CNTNAP2: variants seen among roughly 807,000 people sequenced by gnomAD.
CNTNAP2 encodes contactin-associated protein-like 2.
In CNTNAP2, 98 loss-of-function variants were observed where a neutral mutation model predicts 155.2. The ratio of observed to expected loss-of-function variants is 0.63; its 90% CI spans 0.54 to 0.75. The LOEUF (loss-of-function observed/expected upper bound fraction) is 0.75. CNTNAP2 is among the 30% of genes least tolerant of loss of function. The pLI is 0.00. For missense variants in CNTNAP2, 1,727 were observed against 1,688.1 expected, an observed-to-expected ratio of 1.02 and a Z score of -0.40; for synonymous variants, 651 against 631.2, an observed-to-expected ratio of 1.03 and a Z score of -0.47.
intron 19 of CNTNAP2, among the ~76,000 whole-genome samples, chr7:148,222,963 A>C (rs1247506302): frequency 6.6e-6 from 1 of 152,168 alleles, no homozygotes; most frequent in Non-Finnish European, 1.5e-5. Flanking sequence ...TGTCTCCCTC[A>C]CAGGAGTGTT....
intron 8 of CNTNAP2, among the ~76,000 whole-genome samples, chr7:147,198,568 G>A (rs986134896): frequency 7.9e-5 from 12 of 152,100 alleles, no homozygotes; most frequent in Non-Finnish European, 1.6e-4. Context: ...GTCTGTTGTT[G>A]TTATTTGGAA....
chr7:147,636,644 T>A (rs1420039516), intron 12 of CNTNAP2, among the ~76,000 whole-genome samples: 2 of 152,128 alleles, frequency 1.3e-5, no homozygotes, highest in Non-Finnish European at 2.9e-5. Flanking sequence ...CCTTTCTGTG[T>A]CCATGTGTTC....
chr7:146,908,090 A>G (rs1298997059), intron 3 of CNTNAP2, among the ~76,000 whole-genome samples: 2 of 152,190 alleles, frequency 1.3e-5, no homozygotes, highest in African/African-American at 2.4e-5. Context: ...TAATTCAACA[A>G]GAAGAGCTAA....
intron 22 of CNTNAP2, among the ~76,000 whole-genome samples, chr7:148,393,211 C>G (rs118069658): frequency 6.6e-6 from 1 of 152,180 alleles, no homozygotes; most frequent in South Asian, 2.1e-4. Flanking sequence ...CATTCCTGCT[C>G]TTATAATTAC....
chr7:147,733,226 G>A (rs1235177213), intron 13 of CNTNAP2, among the ~76,000 whole-genome samples: 6 of 152,194 alleles, frequency 3.9e-5, no homozygotes. Context: ...GTAAGGAAGG[G>A]ATCCAGTTTC....
chr7:147,163,656 A>G (rs1477165410), intron 8 of CNTNAP2, among the ~76,000 whole-genome samples: 1 of 151,998 alleles, frequency 6.6e-6, no homozygotes, highest in Non-Finnish European at 1.5e-5. Flanking sequence ...AAGTCAGGCA[A>G]TGTGTGACAT....
chr7:147,115,442 T>C (rs986617445), intron 5 of CNTNAP2, among the ~76,000 whole-genome samples: 1 of 152,186 alleles, frequency 6.6e-6, no homozygotes, highest in Non-Finnish European at 1.5e-5. Flanking sequence ...TCCCGGTCTC[T>C]CCCAGGTACA....
At chr7:147,857,563 T>C (rs1307901330) in intron 13 of CNTNAP2, among the ~76,000 whole-genome samples, 1 of 152,214 alleles carries the variant, frequency 6.6e-6, no homozygotes, top group African/African-American at 2.4e-5. Context: ...TTGAGTTGGT[T>C]TTGTAATGTC....
At chr7:148,062,092 G>A (rs1227312542) in intron 15 of CNTNAP2, among the ~76,000 whole-genome samples, 1 of 147,940 alleles carries the variant, frequency 6.8e-6, no homozygotes, top group Non-Finnish European at 1.5e-5. Context: ...CCATGGCAGT[G>A]GACTAAATAT....
chr7:148,010,210 G>A (rs1802052273), intron 15 of CNTNAP2, among the ~76,000 whole-genome samples: 1 of 151,292 alleles, frequency 6.6e-6, no homozygotes, highest in African/African-American at 2.4e-5. Context: ...TGAGTTATCT[G>A]TATCTTTTGA....
At chr7:146,459,475 GGTCA>G (rs1018620876) in intron 1 of CNTNAP2, among the ~76,000 whole-genome samples, 1 of 152,084 alleles carries the variant, frequency 6.6e-6, no homozygotes, top group Non-Finnish European at 1.5e-5. Flanking sequence ...ATGTAGCTCA[GGTCA>G]CTCTCTTTAC....
rs1186828632 is a variant in CNTNAP2, at chr7:147,234,056, CT to C, written c.1349-66084del. ...CCACAGTAAAAAAAAAAAAAAAAAACTCAAAAGAAAATCTAATTGCTATTTT... is the reference window on the plus strand; with the variant it reads ...CCACAGTAAAAAAAAAAAAAAAAAACCAAAAGAAAATCTAATTGCTATTTT... On this transcript the variant is annotated intron_variant, in intron 8 of 23. Transcript: ENST00000361727. Among the ~76,000 whole-genome samples the C allele has an allele frequency of 1.3e-3, 173 of 134,054 alleles. 1 individual carries two copies. The highest frequency in any genetic ancestry group is 4.4e-3 in the African/African-American group (160 of 36,086). The allele number at this position is 134,054 out of a possible 152,430, so 87.9% of individuals were successfully genotyped here. A position where few individuals can be genotyped will look rare whatever the true frequency, so the allele number is the denominator to read the frequency against.
intron 11 of CNTNAP2, among the ~76,000 whole-genome samples, chr7:147,501,132 C>A (rs1798803522): frequency 6.6e-6 from 1 of 151,806 alleles, no homozygotes; most frequent in South Asian, 2.1e-4. Context: ...GGATAAGAAT[C>A]ATATGATCAT....
chr7:147,382,017 T>C (rs1231776939), intron 9 of CNTNAP2, among the ~76,000 whole-genome samples: 6 of 152,108 alleles, frequency 3.9e-5, no homozygotes, highest in African/African-American at 1.4e-4. Flanking sequence ...AATGGTCCAA[T>C]AAATTATACC....
intron 5 of CNTNAP2, among the ~76,000 whole-genome samples, chr7:147,109,656 G>C (rs531714268): frequency 1.6e-4 from 24 of 152,174 alleles, no homozygotes; most frequent in African/African-American, 5.1e-4. Flanking sequence ...AAGACAGAGA[G>C]GCAAATATTG....
intron 17 of CNTNAP2, among the ~76,000 whole-genome samples, chr7:148,164,379 C>A (rs1805608982): frequency 6.6e-6 from 1 of 152,290 alleles, no homozygotes; most frequent in Non-Finnish European, 1.5e-5. Flanking sequence ...CTGCTTTTGC[C>A]CCCTGACCTA....
At chr7:147,932,591 T>G (rs1449914478) in intron 14 of CNTNAP2, among the ~76,000 whole-genome samples, 4 of 152,188 alleles carry the variant, frequency 2.6e-5, no homozygotes, top group Admixed American at 6.5e-5. Context: ...ACGTAAGACC[T>G]GAAACTGTAA....
intron 21 of CNTNAP2, among the ~76,000 whole-genome samples, chr7:148,361,803 C>A (rs150001096): frequency 1.1e-3 from 167 of 152,176 alleles, no homozygotes; most frequent in African/African-American, 3.8e-3. Context: ...CTGGGGAGTC[C>A]TCAGGAAACA....
Position 148,405,415 on chromosome 7 carries a change from T to C in CNTNAP2, c.3716-3976T>C, listed in dbSNP as rs947378560. 1.4e-4 allele frequency among the ~76,000 whole-genome samples: 19 copies of C among 134,526 alleles called. 1 individual carries two copies. Among genetic ancestry groups the C allele is most frequent in the Admixed American group, 9.2e-4 (11 of 11,924 alleles). The allele number at this position is 134,526 out of a possible 152,430, so 88.3% of individuals were successfully genotyped here. ...TAACCTCAAGGGAACCAGATTACCA[T>C]TGTAATTTTTTTTTTTTTTTTTTTT... On this transcript the variant is annotated intron_variant, in intron 22 of 23. Transcript: ENST00000361727.
Sources: gnomAD v4.1 joint callset for allele counts (sites outside exome capture counted in the v4.1 genomes callset) on GRCh38, gnomAD v4.1.1 for gene constraint, MANE v1.5 for transcripts, NCBI Gene and HGNC (gene_info 2026-07-23, HGNC 2026-07-21) for gene names.